GRID1: variants seen among roughly 807,000 people sequenced by gnomAD.
GRID1 encodes the protein glutamate ionotropic receptor delta type subunit 1.
GRID1 carries 28 observed loss-of-function variants against 98.0 expected under a neutral mutation model. The observed-to-expected ratio is 0.29, with a 90% CI of 0.21 to 0.39. GRID1 has a LOEUF of 0.39. Among genes scored for constraint, GRID1 ranks in the 10% least tolerant of loss-of-function variants. The pLI is 1.00. For missense variants in GRID1, 1,111 were observed against 1,340.5 expected, an observed-to-expected ratio of 0.83 and a Z score of 2.67; for synonymous variants, 553 against 538.5, an observed-to-expected ratio of 1.03 and a Z score of -0.37.
intron 12 of GRID1, among the ~76,000 whole-genome samples, chr10:85,684,798 G>T (rs1211113944): frequency 1.3e-5 from 2 of 152,162 alleles, no homozygotes; most frequent in African/African-American, 2.4e-5. Context: ...CAAGATCAGG[G>T]TGCTAGCCTG....
At chr10:85,975,531 C>T (rs916728687) in intron 4 of GRID1, among the ~76,000 whole-genome samples, 1 of 152,184 alleles carries the variant, frequency 6.6e-6, no homozygotes, top group Non-Finnish European at 1.5e-5. Context: ...TTGATGAGAT[C>T]TAGTGGATGG....
chr10:85,722,301 A>G (rs1564570191), intron 12 of GRID1, among the ~76,000 whole-genome samples: 1 of 152,198 alleles, frequency 6.6e-6, no homozygotes, highest in Non-Finnish European at 1.5e-5. Flanking sequence ...TGAAGCCAAT[A>G]TTGTACCCAA....
intron 8 of GRID1, among the ~76,000 whole-genome samples, chr10:85,731,238 C>T (rs1398599032): frequency 1.3e-5 from 2 of 151,986 alleles, no homozygotes; most frequent in Non-Finnish European, 2.9e-5. Flanking sequence ...TCACCTTGGA[C>T]ATGATACCCA....
At chr10:85,720,787 A>C (rs1841692580) in intron 12 of GRID1, among the ~76,000 whole-genome samples, 1 of 152,180 alleles carries the variant, frequency 6.6e-6, no homozygotes, top group Non-Finnish European at 1.5e-5. Flanking sequence ...ATAAAAGTAG[A>C]AAATCTTCGG....
intron 2 of GRID1, among the ~76,000 whole-genome samples, chr10:86,272,129 T>A (rs544996083): frequency 6.6e-6 from 1 of 152,142 alleles, no homozygotes; most frequent in African/African-American, 2.4e-5. Context: ...ACATCTTTAG[T>A]ATTGAAAGAG....
chr10:86,227,589 G>A, intron 2 of GRID1, among the ~76,000 whole-genome samples: 1 of 152,090 alleles, frequency 6.6e-6, no homozygotes, highest in East Asian at 1.9e-4. Flanking sequence ...CAGTTCCCCA[G>A]TCCCTTCCCA....
At chr10:86,083,106 G>A (rs1317301522) in intron 4 of GRID1, among the ~76,000 whole-genome samples, 1 of 152,230 alleles carries the variant, frequency 6.6e-6, no homozygotes, top group African/African-American at 2.4e-5. Context: ...GAGTGAACAG[G>A]TGAGTGCAAG....
intron 2 of GRID1, among the ~76,000 whole-genome samples, chr10:86,230,004 A>G (rs1355180464): frequency 1.3e-5 from 2 of 152,210 alleles, no homozygotes; most frequent in Non-Finnish European, 2.9e-5. Flanking sequence ...TGTTGACTCA[A>G]CATGGGACCA....
intron 12 of GRID1, among the ~76,000 whole-genome samples, chr10:85,682,013 G>T (rs1841214985): frequency 6.6e-6 from 1 of 151,964 alleles, no homozygotes; most frequent in Admixed American, 6.6e-5. Context: ...TTCACTGGGT[G>T]GGGCAAGCAG....
chr10:85,791,788 A>C (rs895672606), intron 8 of GRID1, among the ~76,000 whole-genome samples: 1 of 152,182 alleles, frequency 6.6e-6, no homozygotes, highest in Non-Finnish European at 1.5e-5. Context: ...GAAATCTAAG[A>C]AGAGATACAA....
intron 4 of GRID1, among the ~76,000 whole-genome samples, chr10:86,049,498 T>C (rs1467842539): frequency 1.3e-5 from 2 of 152,224 alleles, no homozygotes; most frequent in East Asian, 3.8e-4. Flanking sequence ...ATTGGGGGAC[T>C]GAACTAGAAA....
intron 4 of GRID1, among the ~76,000 whole-genome samples, chr10:86,081,391 T>C (rs1843976548): frequency 6.6e-6 from 1 of 152,184 alleles, no homozygotes; most frequent in Non-Finnish European, 1.5e-5. Flanking sequence ...CAGGGAATTA[T>C]TTCTAGTATC....
chr10:85,737,491 C>T (rs1311925105), intron 8 of GRID1, among the ~76,000 whole-genome samples: 2 of 151,560 alleles, frequency 1.3e-5, no homozygotes, highest in Non-Finnish European at 2.9e-5. Flanking sequence ...TCTCAGTGGG[C>T]TCACACAGGA....
At chr10:86,068,939 C>G (rs978881900) in intron 4 of GRID1, among the ~76,000 whole-genome samples, 2 of 152,078 alleles carry the variant, frequency 1.3e-5, no homozygotes, top group African/African-American at 4.8e-5. Context: ...CAATCACCCC[C>G]TGCCCAGTGT....
intron 5 of GRID1, among the ~76,000 whole-genome samples, chr10:85,894,903 G>A (rs1380635469): frequency 1.3e-5 from 2 of 151,074 alleles, no homozygotes; most frequent in African/African-American, 4.9e-5. Context: ...AGCTATTTGG[G>A]AGGCTGAGGC....
chr10:86,082,481 A>C (rs1182319148), intron 4 of GRID1, among the ~76,000 whole-genome samples: 1 of 152,094 alleles, frequency 6.6e-6, no homozygotes, highest in Non-Finnish European at 1.5e-5. Flanking sequence ...ATTCCCCTGC[A>C]CCCTGTCCTC....
chr10:86,294,822 A>T (rs1316751468), intron 2 of GRID1, among the ~76,000 whole-genome samples: 1 of 152,130 alleles, frequency 6.6e-6, no homozygotes, highest in African/African-American at 2.4e-5. Flanking sequence ...CAGAAGACAG[A>T]TGATTAAAGT....
intron 4 of GRID1, among the ~76,000 whole-genome samples, chr10:86,099,697 T>C (rs1589370850): frequency 6.6e-6 from 1 of 152,206 alleles, no homozygotes; most frequent in African/African-American, 2.4e-5. Flanking sequence ...AAGGGGCCTA[T>C]GCTTTTCCTG....
At chr10:86,341,317 C>T (rs1221396221) in intron 2 of GRID1, among the ~76,000 whole-genome samples, 2 of 152,160 alleles carry the variant, frequency 1.3e-5, no homozygotes, top group East Asian at 3.9e-4. Flanking sequence ...TGCCCCAGAG[C>T]CTGCACTGCC....
Sources: allele counts gnomAD v4.1 joint callset (sites outside exome capture counted in the v4.1 genomes callset), GRCh38; gene constraint gnomAD v4.1.1; transcripts MANE v1.5; gene names NCBI Gene and HGNC (gene_info 2026-07-23, HGNC 2026-07-21).